MMEL1: variants seen among roughly 807,000 people sequenced by gnomAD.
The protein encoded by MMEL1 is membrane metallo-endopeptidase-like 1.
A neutral mutation model predicts 117.1 loss-of-function variants in MMEL1; 98 were observed. That is an observed-to-expected ratio of 0.84 (90% confidence interval 0.71 to 0.99). MMEL1 has a LOEUF of 0.99. Ranked by LOEUF, MMEL1 falls within the 50% of genes least tolerant of loss-of-function variation. MMEL1 has a pLI of 0.00. For missense variants in MMEL1, 1,014 were observed against 1,049.1 expected, an observed-to-expected ratio of 0.97 and a Z score of 0.46; for synonymous variants, 390 against 415.1, an observed-to-expected ratio of 0.94 and a Z score of 0.74.
In MMEL1 at chr1:2,626,165, G is replaced by C. The variant is rs138160826; in HGVS notation, c.154+3166C>G. Among the ~76,000 whole-genome samples the C allele has an allele frequency of 2.5e-3, 382 of 152,342 alleles. 2 individuals carry two copies. The highest frequency in any genetic ancestry group is 4.0e-3 in the Non-Finnish European group (274 of 68,034). ...GATGCGATTATGTACCGATTCATGG[G>C]CTGTAGCCAATGGTTTGGCTGGATG... On this transcript the variant is annotated intron_variant, in intron 2 of 23. Transcript: ENST00000378412.
intron 2 of MMEL1, among the ~76,000 whole-genome samples, chr1:2,628,859 C>G (rs867021669): frequency 2.1e-4 from 32 of 151,866 alleles, no homozygotes; most frequent in African/African-American, 6.3e-4. Flanking sequence ...CGGCAGGACC[C>G]TCAGGTCTCT....
rs200472243 is a variant in MMEL1 at position 2,609,356 on chromosome 1, C to T, written c.518G>A (p.Arg173His). ...PAVEKARTLYRSCMNQSVIEK... is the reference protein window; with the variant it reads ...PAVEKARTLYHSCMNQSVIEK... ...CCACTCACTCTGGTTCATGCAGGAG[C>T]GGTACAGCGTCCTGGCCTTCTCCAC... Residue 173 changes from arginine (R) to histidine (H), a missense_variant, in exon 6 of 24, where the codon CGC becomes CAC. By Grantham distance (29) the Arg-to-His change is conservative. Coordinates refer to ENST00000378412, the MANE Select transcript of MMEL1 (RefSeq NM_033467.4). 3.4e-4 allele frequency: 556 copies of T among 1,611,672 alleles called. No individual in the cohort carries two copies. The highest frequency in any genetic ancestry group is 1.3e-3 in the East Asian group (58 of 44,844).
intron 14 of MMEL1, 26 bp downstream of exon 14, chr1:2,596,535 G>T: frequency 6.2e-7 from 1 of 1,602,986 alleles, no homozygotes; most frequent in South Asian, 1.1e-5. Flanking sequence ...CTGGCCCCGC[G>T]TGGGCCATGG....
rs1645028349 is a variant in MMEL1, at chr1:2,606,357, C to T, written c.641G>A (p.Trp214Ter). The change falls in exon 8 of 24, where the codon TGG becomes TAG. Residue 214 changes from tryptophan (W) to a stop codon, truncating the protein, a stop_gained. Transcript: ENST00000378412. LOFTEE classifies it high-confidence loss of function. Reference protein sequence around the residue: ...DRWNETVGLEWELERQLALMN... With the variant: ...DRWNETVGLE ...CAGCGCCAGCTGCCGCTCCAGCTCC[C>T]ACTCGAGTCCTGGGGAGACAGTGCC... 3 of 1,611,532 alleles carry T rather than the reference C, an allele frequency of 1.9e-6. No homozygotes were observed. Among genetic ancestry groups the T allele is most frequent in the Non-Finnish European group, 2.5e-6 (3 of 1,179,668 alleles).
At chr1:2,621,650 G>A (rs1270057375) in intron 2 of MMEL1, among the ~76,000 whole-genome samples, 4 of 151,216 alleles carry the variant, frequency 2.6e-5, no homozygotes, top group African/African-American at 7.3e-5. Context: ...TGCAGCCTCC[G>A]CCTCTCAGGT....
chr1:2,603,038 G>T (rs1644959557), intron 11 of MMEL1, among the ~76,000 whole-genome samples: 1 of 152,240 alleles, frequency 6.6e-6, no homozygotes, highest in African/African-American at 2.4e-5. Flanking sequence ...GCAGCGGGGT[G>T]TTGGGGAAGG....
intron 2 of MMEL1, among the ~76,000 whole-genome samples, chr1:2,617,462 T>C (rs1458287562): frequency 6.8e-6 from 1 of 147,158 alleles, no homozygotes; most frequent in Non-Finnish European, 1.5e-5. Context: ...TAGTCAGGCG[T>C]GGTGGTGCAT....
chr1:2,622,883 CAA>C (rs60522932), intron 2 of MMEL1, among the ~76,000 whole-genome samples: 4,859 of 103,922 alleles, frequency 0.047, 152 homozygotes, highest in African/African-American at 0.1. Context: ...AACTCTGTCT[CAA>C]AAAAAAAAAA....
chr1:2,603,211 G>T (rs1051932944), intron 11 of MMEL1, among the ~76,000 whole-genome samples: 13 of 152,194 alleles, frequency 8.5e-5, no homozygotes, highest in Non-Finnish European at 1.8e-4. Context: ...TGGTTGAGGG[G>T]GCAGGGGCTT....
intron 18 of MMEL1, 78 bp from the exon 19 acceptor site, chr1:2,594,011 C>G: frequency 6.7e-7 from 1 of 1,488,500 alleles, no homozygotes; most frequent in Non-Finnish European, 8.9e-7. Context: ...ATGGCGCTGC[C>G]AGGGGTTCTG....
chr1:2,603,128 C>T (rs1400970606), intron 11 of MMEL1, among the ~76,000 whole-genome samples: 1 of 152,174 alleles, frequency 6.6e-6, no homozygotes, highest in Non-Finnish European at 1.5e-5. Flanking sequence ...TGCCCTGGGG[C>T]GAGGCTCTCC....
At chr1:2,598,617 G>T (rs759817872) in intron 12 of MMEL1, 37 bp downstream of exon 12, 61 of 1,611,142 alleles carry the variant, frequency 3.8e-5, no homozygotes, top group Non-Finnish European at 3.5e-5. Flanking sequence ...CAGGGGCAAA[G>T]ATGCTGAGGC....
chr1:2,605,770 C>A, intron 8 of MMEL1, 147 bp from the exon 9 acceptor site: 1 of 333,176 alleles, frequency 3.0e-6, no homozygotes, highest in Non-Finnish European at 5.7e-6. Context: ...GTGCCGGACC[C>A]GGGAGGCCAG....
At chr1:2,605,723 G>A in intron 8 of MMEL1, 100 bp from the exon 9 acceptor site, 1 of 851,932 alleles carries the variant, frequency 1.2e-6, no homozygotes, top group Admixed American at 2.3e-5. Flanking sequence ...TGTGCCCCGT[G>A]CACACGTGCT....
At chr1:2,603,230 C>G (rs1254975002) in intron 11 of MMEL1, among the ~76,000 whole-genome samples, 1 of 152,202 alleles carries the variant, frequency 6.6e-6, no homozygotes, top group Non-Finnish European at 1.5e-5. Context: ...TTTGGACCCC[C>G]TTCTGCCCTT....
chr1:2,618,240 G>A (rs1443516148), intron 2 of MMEL1, among the ~76,000 whole-genome samples: 2 of 152,060 alleles, frequency 1.3e-5, no homozygotes, highest in East Asian at 3.9e-4. Flanking sequence ...CTTGAAAAGA[G>A]CCTGGCACCT....
intron 2 of MMEL1, among the ~76,000 whole-genome samples, chr1:2,628,619 A>G (rs1302442874): frequency 7.2e-6 from 1 of 139,690 alleles, no homozygotes; most frequent in African/African-American, 2.7e-5. Context: ...GAAGGTGACC[A>G]GGTCTACGGG....
intron 8 of MMEL1, 139 bp downstream of exon 8, chr1:2,606,109 G>T (rs555838353): frequency 4.4e-6 from 3 of 686,222 alleles, no homozygotes; most frequent in Admixed American, 2.4e-5. Context: ...GCCCACGGAC[G>T]TGGACAGGAG....
In MMEL1 at chr1:2,611,862, G is replaced by A. The variant is rs115048130; in HGVS notation, c.232+265C>T. Reference sequence around the variant, plus strand: ...CTCTCTGCATGCCCTGCCCCGGCCTGCCCCACCCCTGTGCCAGCTGGTGGA... The same window carrying A: ...CTCTCTGCATGCCCTGCCCCGGCCTACCCCACCCCTGTGCCAGCTGGTGGA... On this transcript the variant is annotated intron_variant, in intron 3 of 23. Coordinates refer to ENST00000378412, the MANE Select transcript of MMEL1 (RefSeq NM_033467.4). 4.4e-3 allele frequency among the ~76,000 whole-genome samples: 670 copies of A among 152,290 alleles called. 3 individuals are homozygous for A. Among genetic ancestry groups the A allele is most frequent in the African/African-American group, 0.015 (631 of 41,566 alleles).
Sources: allele counts gnomAD v4.1 joint callset (sites outside exome capture counted in the v4.1 genomes callset), GRCh38; gene constraint gnomAD v4.1.1; transcripts MANE v1.5; gene names NCBI Gene and HGNC (gene_info 2026-07-23, HGNC 2026-07-21).